ATP2B4: variants seen among roughly 807,000 people sequenced by gnomAD.
ATP2B4 encodes plasma membrane calcium-transporting ATPase 4.
Under a neutral mutation model 110.3 loss-of-function variants are expected in ATP2B4, and 39 were observed. That is an observed-to-expected ratio of 0.35 (90% CI 0.27 to 0.46). The LOEUF is 0.46. ATP2B4 is among the 20% of genes least tolerant of loss of function. ATP2B4 has a pLI of 1.00. For missense variants in ATP2B4, 1,135 were observed against 1,530.9 expected (o/e 0.74, Z 4.32); for synonymous variants, 538 against 571.7 (o/e 0.94, Z 0.84).
rs369119511 is a variant in ATP2B4 at position 203,708,039 on chromosome 1, C to A, written c.1492C>A (p.Pro498Thr). The A allele has an allele frequency of 6.2e-7, 1 of 1,614,072 alleles. No homozygotes were observed. The highest frequency in any genetic ancestry group is 1.3e-5 in the African/African-American group (1 of 74,920). The change falls in exon 10 of 21, where the codon CCC becomes ACC. Residue 498 changes from proline to threonine, a missense_variant. Around this residue, in one of 9 missense-constraint regions of ATP2B4, gnomAD observed 368 missense variants for 455.9 expected, o/e 0.81. Coordinates refer to ENST00000357681, the MANE Select transcript of ATP2B4 (RefSeq NM_001684.5). The stretch of plus-strand genomic sequence containing the variant: ...AATCCCAAGCCCTGATGTCTTCCTG[C>A]CCAAAGTCCTGGACCTCATTGTCAA... ...RQIPSPDVFLPKVLDLIVNGI... is the reference protein window; with the variant it reads ...RQIPSPDVFLTKVLDLIVNGI...
intron 1 of ATP2B4, among the ~76,000 whole-genome samples, chr1:203,648,054 G>A (rs111717489): frequency 2.6e-4 from 40 of 152,262 alleles, no homozygotes; most frequent in African/African-American, 9.1e-4. Context: ...TAAAGGCCAG[G>A]CTTCTAGAAT....
At chr1:203,730,148 A>T (rs1271677693) in intron 20 of ATP2B4, among the ~76,000 whole-genome samples, 1 of 151,506 alleles carries the variant, frequency 6.6e-6, no homozygotes, top group Non-Finnish European at 1.5e-5. Context: ...CCTTTTTTTA[A>T]AAAAAAATTT....
chr1:203,733,221 A>G, intron 20 of ATP2B4: 3 of 1,610,638 alleles, frequency 1.9e-6, no homozygotes, highest in Non-Finnish European at 2.5e-6. Flanking sequence ...GATTCTTTGC[A>G]GATCGACGTA....
At chr1:203,702,460 G>T (rs1384657629) in intron 7 of ATP2B4, among the ~76,000 whole-genome samples, 1 of 152,130 alleles carries the variant, frequency 6.6e-6, no homozygotes, top group African/African-American at 2.4e-5. Context: ...AGGGAGGTGG[G>T]GTGGGTAGTC....
At chr1:203,733,405 G>A in intron 20 of ATP2B4, 2 of 1,611,740 alleles carry the variant, frequency 1.2e-6, no homozygotes, top group Non-Finnish European at 1.7e-6. Context: ...TGGGCAGTGA[G>A]TGATAGTCTA....
chr1:203,713,058 TG>T lies in ATP2B4; in HGVS notation c.2212-106del, dbSNP rs1666058073. 6 of 1,151,218 alleles carry T rather than the reference TG, an allele frequency of 5.2e-6. No individual in the cohort carries two copies. The East Asian group carries it at 1.4e-4, about 27-fold the overall frequency. 71.3% of individuals were successfully genotyped at this position (1,151,218 alleles called of 1,614,324 possible). A position where few individuals can be genotyped will look rare whatever the true frequency, so the allele number is the denominator to read the frequency against. On this transcript the variant is annotated intron_variant, in intron 13 of 20. Transcript: ENST00000357681. ...CCAGAATAACACTTTCATGTGGGAC[TG>T]TGGTGTACCCAATCTCCCAGTGACT...
chr1:203,690,061 G>GT (rs1665318013), intron 2 of ATP2B4, among the ~76,000 whole-genome samples: 1 of 152,208 alleles, frequency 6.6e-6, no homozygotes, highest in South Asian at 2.1e-4. Context: ...TCCTTGGGGA[G>GT]TAAGTGGCAG....
chr1:203,680,474 TG>T (rs1307045693), intron 1 of ATP2B4, among the ~76,000 whole-genome samples: 1 of 151,534 alleles, frequency 6.6e-6, no homozygotes, highest in Admixed American at 6.6e-5. Flanking sequence ...CCGGGTGTGG[TG>T]GTGGGCGCCT....
intron 2 of ATP2B4, among the ~76,000 whole-genome samples, chr1:203,684,240 C>T (rs1242973808): frequency 6.6e-6 from 1 of 152,050 alleles, no homozygotes; most frequent in Non-Finnish European, 1.5e-5. Flanking sequence ...ATAGGCCAAG[C>T]AGGTGGGTGG....
intron 4 of ATP2B4, 133 bp from the exon 5 acceptor site, chr1:203,700,073 C>A: frequency 9.1e-7 from 1 of 1,103,554 alleles, no homozygotes; most frequent in Non-Finnish European, 1.3e-6. Flanking sequence ...TCTCCATGTA[C>A]TCTCGGCCAT....
intron 1 of ATP2B4, among the ~76,000 whole-genome samples, chr1:203,644,249 T>TAAAA (rs3066210): frequency 1.4e-4 from 15 of 109,948 alleles, no homozygotes; most frequent in Admixed American, 2.9e-4. Flanking sequence ...GACTCCATCT[T>TAAAA]AAAAAAAAAA....
At chr1:203,708,227 C>A (rs369929952) in intron 10 of ATP2B4, 123 bp downstream of exon 10, 1 of 1,391,302 alleles carries the variant, frequency 7.2e-7, no homozygotes, top group African/African-American at 1.4e-5. Context: ...CCATTTCTCA[C>A]GCTGGAGTGA....
chr1:203,711,272 T>C (rs577481982), intron 12 of ATP2B4, among the ~76,000 whole-genome samples, 164 bp downstream of exon 12: 2 of 152,290 alleles, frequency 1.3e-5, no homozygotes, highest in Admixed American at 1.3e-4. Context: ...TATGATCGAA[T>C]GTGGCATTCC....
rs2102248649 is a variant in ATP2B4 at position 203,743,569 on chromosome 1, C to A, written c.*3715C>A. 6.5e-6 allele frequency: 1 copy of A among 152,710 alleles called. No individual in the cohort carries two copies. The highest frequency in any genetic ancestry group is 1.9e-4 in the East Asian group (1 of 5,188). The allele number at this position is 152,710 out of a possible 1,614,324, so 9.5% of individuals were successfully genotyped here. ...TGTTTTCTCCCCATATGTATATATG[C>A]CATATGTGAATATGCCATATATATG... On this transcript the variant is annotated 3_prime_UTR_variant, in exon 21 of 21. Coordinates refer to ENST00000357681, the MANE Select transcript of ATP2B4 (RefSeq NM_001684.5).
At chr1:203,658,615 G>T (rs1036174345) in intron 1 of ATP2B4, among the ~76,000 whole-genome samples, 1 of 152,188 alleles carries the variant, frequency 6.6e-6, no homozygotes, top group African/African-American at 2.4e-5. Flanking sequence ...TCTAAATATT[G>T]ATGTCAAAGA....
chr1:203,703,995 T>G (rs1665772113), intron 8 of ATP2B4, among the ~76,000 whole-genome samples, 182 bp downstream of exon 8: 1 of 152,196 alleles, frequency 6.6e-6, no homozygotes, highest in African/African-American at 2.4e-5. Flanking sequence ...CTAGGCTTTT[T>G]CAGAGAGAAA....
At chr1:203,735,002 CAAAAAAAAAAA>C (rs35552196) in intron 20 of ATP2B4, among the ~76,000 whole-genome samples, 6 of 57,132 alleles carry the variant, frequency 1.1e-4, no homozygotes, top group Admixed American at 5.5e-4. Flanking sequence ...GACTCCATCT[CAAAAAAAAAAA>C]AAAAAAAAAA....
Position 203,700,916 on chromosome 1 carries a change from G to A in ATP2B4, c.894G>A (p.Lys298=). Residue 298 remains lysine (K), a synonymous_variant, in exon 6 of 21, where the codon AAG becomes AAA. Transcript: ENST00000357681. The stretch of plus-strand genomic sequence containing the variant: ...ATGAGGATGACGAAGGGGAGAAAAA[G>A]AAGAAAGGTAAGGGGCATCTGGAAT... ...GVNEDDEGEK[K]KKGKKQGVPE... is the part of the protein sequence containing the mutation. 1 of 1,612,918 alleles carries A rather than the reference G, an allele frequency of 6.2e-7. No individual in the cohort carries two copies. Among genetic ancestry groups the A allele is most frequent in the Non-Finnish European group, 8.5e-7 (1 of 1,179,244 alleles).
chr1:203,724,877 T>C (rs926896911), intron 19 of ATP2B4, among the ~76,000 whole-genome samples: 6 of 142,802 alleles, frequency 4.2e-5, no homozygotes, highest in African/African-American at 1.6e-4. Flanking sequence ...GTTTTTTTTT[T>C]TTTTTTTTTT....
Sources: gnomAD v4.1 joint callset for allele counts (sites outside exome capture counted in the v4.1 genomes callset) on GRCh38, gnomAD v4.1.1 for gene constraint, gnomAD v4.1.1 regional missense constraint, MANE v1.5 for transcripts, NCBI Gene and HGNC (gene_info 2026-07-23, HGNC 2026-07-21) for gene names.